The following TSC22D1 variants were observed in gnomAD, a reference collection of about 807,000 sequenced individuals.
TSC22D1 encodes the protein TSC22 domain family member 1, also known as TSC22 domain family protein 1.
TSC22D1 carries 9 observed loss-of-function variants against 74.2 expected under a neutral mutation model. The observed-to-expected ratio is 0.12, with a 90% CI of 0.07 to 0.21. TSC22D1 has a LOEUF of 0.21. Among genes scored for constraint, TSC22D1 ranks in the 10% least tolerant of loss-of-function variants. TSC22D1 has a pLI of 1.00. For synonymous variants in TSC22D1, 586 were observed against 492.5 expected (o/e 1.19, Z -2.51); for missense variants, 1,427 against 1,304.7 (o/e 1.09, Z -1.44).
At chr13:44,482,287 C>G (rs1878211534) in intron 1 of TSC22D1, among the ~76,000 whole-genome samples, 1 of 152,166 alleles carries the variant, frequency 6.6e-6, no homozygotes, top group Non-Finnish European at 1.5e-5. Flanking sequence ...GTAATCCAGG[C>G]ACTTCGGGAG....
chr13:44,491,237 C>T (rs1018841846), intron 1 of TSC22D1, among the ~76,000 whole-genome samples: 3 of 151,934 alleles, frequency 2.0e-5, no homozygotes, highest in Admixed American at 1.3e-4. Context: ...GCAATAATGT[C>T]GACAATATAT....
chr13:44,517,873 T>TTTTTTTTTTTC (rs1161219206), intron 1 of TSC22D1, among the ~76,000 whole-genome samples: 1 of 109,430 alleles, frequency 9.1e-6, no homozygotes, highest in Non-Finnish European at 1.9e-5. Context: ...TTTTTTTTTT[T>TTTTTTTTTTTC]TTTTTTAACA....
chr13:44,486,493 A>T (rs889945753), intron 1 of TSC22D1, among the ~76,000 whole-genome samples: 1 of 152,192 alleles, frequency 6.6e-6, no homozygotes, highest in Non-Finnish European at 1.5e-5. Context: ...ACAAAGAAAA[A>T]TTTGCTAGAA....
chr13:44,566,643 A>G (rs761141007), intron 1 of TSC22D1, among the ~76,000 whole-genome samples: 3 of 152,178 alleles, frequency 2.0e-5, no homozygotes, highest in Non-Finnish European at 4.4e-5. Context: ...AAACACACAC[A>G]TCTATTTTTT....
chr13:44,519,236 C>G (rs568546888), intron 1 of TSC22D1, among the ~76,000 whole-genome samples: 40 of 152,140 alleles, frequency 2.6e-4, no homozygotes, highest in Non-Finnish European at 5.4e-4. Context: ...TAGGTTTCTT[C>G]TTTCACTGAT....
At chr13:44,502,525 C>G (rs754581473) in intron 1 of TSC22D1, among the ~76,000 whole-genome samples, 20 of 152,158 alleles carry the variant, frequency 1.3e-4, no homozygotes, top group Non-Finnish European at 2.8e-4. Context: ...CAATGCTATT[C>G]CAGAACCACA....
intron 1 of TSC22D1, among the ~76,000 whole-genome samples, chr13:44,439,927 C>T (rs899043715): frequency 5.3e-5 from 8 of 152,320 alleles, no homozygotes; most frequent in African/African-American, 1.9e-4. Flanking sequence ...AGAGTAACCT[C>T]TTTCTCCCCC....
At chr13:44,441,164 G>A (rs1288394722) in intron 1 of TSC22D1, among the ~76,000 whole-genome samples, 1 of 152,184 alleles carries the variant, frequency 6.6e-6, no homozygotes, top group East Asian at 1.9e-4. Context: ...GGAGATCTCA[G>A]GGGGACTGCT....
At chr13:44,483,903 C>T (rs973265710) in intron 1 of TSC22D1, among the ~76,000 whole-genome samples, 1 of 152,042 alleles carries the variant, frequency 6.6e-6, no homozygotes, top group African/African-American at 2.4e-5. Context: ...ACAACGTATC[C>T]TTTTCATTAA....
At chr13:44,493,874 C>G (rs1210002366) in intron 1 of TSC22D1, among the ~76,000 whole-genome samples, 2 of 152,140 alleles carry the variant, frequency 1.3e-5, no homozygotes, top group Non-Finnish European at 2.9e-5. Context: ...TTGCTAACCA[C>G]AAGCTAACAA....
At chr13:44,543,286 T>C (rs1881594533) in intron 1 of TSC22D1, among the ~76,000 whole-genome samples, 1 of 152,202 alleles carries the variant, frequency 6.6e-6, no homozygotes, top group South Asian at 2.1e-4. Context: ...GCATTTCTAA[T>C]ATCTAAGCAT....
At chr13:44,450,154 A>G (rs1210339996) in intron 1 of TSC22D1, among the ~76,000 whole-genome samples, 1 of 152,250 alleles carries the variant, frequency 6.6e-6, no homozygotes, top group Non-Finnish European at 1.5e-5. Flanking sequence ...TTAGACTACA[A>G]GGTACAAAGA....
At chr13:44,441,330 T>A (rs1566112901) in intron 1 of TSC22D1, among the ~76,000 whole-genome samples, 1 of 152,224 alleles carries the variant, frequency 6.6e-6, no homozygotes, top group Non-Finnish European at 1.5e-5. Context: ...CTGATAGGTG[T>A]ATGATAGATC....
chr13:44,497,164 GTAGA>G (rs1217947931), intron 1 of TSC22D1, among the ~76,000 whole-genome samples: 4 of 152,092 alleles, frequency 2.6e-5, no homozygotes, highest in Non-Finnish European at 5.9e-5. Flanking sequence ...ATGTCCATCA[GTAGA>G]TAAACAAACA....
At chr13:44,546,873 C>T (rs1398165233) in intron 1 of TSC22D1, among the ~76,000 whole-genome samples, 2 of 151,822 alleles carry the variant, frequency 1.3e-5, no homozygotes, top group Non-Finnish European at 2.9e-5. Context: ...CCCTGACGAG[C>T]GAACCTCCCA....
intron 1 of TSC22D1, among the ~76,000 whole-genome samples, chr13:44,523,583 AG>A (rs919909866): frequency 6.6e-6 from 1 of 152,194 alleles, no homozygotes; most frequent in Non-Finnish European, 1.5e-5. Flanking sequence ...CTAGACAGAT[AG>A]TAAGATCTGT....
rs1881370758 is a variant in TSC22D1, at chr13:44,540,018, G to T, written c.2912+33145C>A. 12 of 954,006 alleles carry T rather than the reference G, an allele frequency of 1.3e-5. No homozygotes were observed. In the South Asian group the frequency reaches 1.3e-4, roughly 10 times the overall value. 59.1% of individuals were successfully genotyped at this position (954,006 alleles called of 1,614,324 possible). On this transcript the variant is annotated intron_variant, in intron 1 of 2. Transcript: ENST00000458659. ...GAGTTTGTAATGGCTTAATCCTCAG[G>T]ATAAAAAGGAGCTACCTTTGGGCAT...
At chr13:44,515,024 A>G (rs9533885) in intron 1 of TSC22D1, among the ~76,000 whole-genome samples, 2,788 of 152,296 alleles carry the variant, frequency 0.018, 39 homozygotes, top group Non-Finnish European at 0.028. Context: ...ATTCTCATCC[A>G]TTGCTAGTGG....
At position 44,434,165 on chromosome 13, in the gene TSC22D1, A is replaced by C; in HGVS notation, c.*461T>G. Reference sequence around the variant, plus strand: ...AGTGAACTCTGTTCCCCCTCATTTTAGTCTTTTTACCCTCCTTTCAAGTTC... The same window carrying C: ...AGTGAACTCTGTTCCCCCTCATTTTCGTCTTTTTACCCTCCTTTCAAGTTC... On this transcript the variant is annotated 3_prime_UTR_variant, in exon 3 of 3. Transcript: ENST00000458659. 6.8e-7 allele frequency: 1 copy of C among 1,479,308 alleles called. No homozygotes were observed. Among genetic ancestry groups the C allele is most frequent in the Non-Finnish European group, 8.9e-7 (1 of 1,129,712 alleles). The allele number at this position is 1,479,308 out of a possible 1,614,324, so 91.6% of individuals were successfully genotyped here.
Sources: allele counts gnomAD v4.1 joint callset (sites outside exome capture counted in the v4.1 genomes callset), GRCh38; gene constraint gnomAD v4.1.1; transcripts MANE v1.5; gene names NCBI Gene and HGNC (gene_info 2026-07-23, HGNC 2026-07-21).